Variants in PKIB observed in about 807,000 individuals in gnomAD.
The protein encoded by PKIB is cAMP-dependent protein kinase inhibitor beta, also known as PKI-beta.
Under a neutral mutation model 4.5 loss-of-function variants are expected in PKIB, and 2 were observed. The ratio of observed to expected loss-of-function variants is 0.44; its 90% CI spans 0.18 to 1.39. The LOEUF (loss-of-function observed/expected upper bound fraction) is 1.39. Among genes scored for constraint, PKIB ranks in the 40% most tolerant of loss-of-function variants. The probability of loss-of-function intolerance (pLI) is 0.27; values close to 1 mark genes in which losing one functional copy is unlikely to be tolerated. For missense variants in PKIB, 94 were observed against 92.6 expected, an observed-to-expected ratio of 1.02 and a Z score of -0.06; for synonymous variants, 38 against 36.0, an observed-to-expected ratio of 1.06 and a Z score of -0.20.
chr6:122,601,657 C>T (rs1774371736), intron 3 of PKIB, among the ~76,000 whole-genome samples: 1 of 152,092 alleles, frequency 6.6e-6, no homozygotes, highest in African/African-American at 2.4e-5. Flanking sequence ...GGATGAAGAC[C>T]TTTATAATGA....
chr6:122,660,475 C>G (rs1248134542), intron 2 of PKIB, among the ~76,000 whole-genome samples: 1 of 152,150 alleles, frequency 6.6e-6, no homozygotes, highest in Non-Finnish European at 1.5e-5. Flanking sequence ...TGTTCTCTTA[C>G]AGACTAAACC....
chr6:122,547,891 C>T (rs1772551999), intron 2 of PKIB, among the ~76,000 whole-genome samples: 1 of 51,762 alleles, frequency 1.9e-5, no homozygotes, highest in Admixed American at 2.9e-4. Context: ...GTGCTCCAAA[C>T]TCACCGAAGT....
chr6:122,697,572 G>C (rs979259748), intron 3 of PKIB, among the ~76,000 whole-genome samples: 2 of 152,078 alleles, frequency 1.3e-5, no homozygotes, highest in Middle Eastern at 3.2e-3. Flanking sequence ...TTGATGTAGA[G>C]AGTGGATGCT....
intron 2 of PKIB, among the ~76,000 whole-genome samples, chr6:122,553,391 G>C (rs1310920672): frequency 1.3e-5 from 2 of 151,102 alleles, no homozygotes; most frequent in Non-Finnish European, 2.9e-5. Flanking sequence ...TTGATATCCT[G>C]GCCCTTAAAT....
At chr6:122,650,282 C>T (rs753142889) in intron 2 of PKIB, among the ~76,000 whole-genome samples, 3 of 152,088 alleles carry the variant, frequency 2.0e-5, no homozygotes, top group Non-Finnish European at 4.4e-5. Flanking sequence ...GGAATCATCA[C>T]CCCTGCATCC....
At chr6:122,716,248 G>C (rs937624517) in intron 3 of PKIB, among the ~76,000 whole-genome samples, 3 of 152,164 alleles carry the variant, frequency 2.0e-5, no homozygotes, top group African/African-American at 7.2e-5. Flanking sequence ...CCAGCATCCT[G>C]TGAATCCATA....
At chr6:122,548,104 C>A (rs1582691447) in intron 2 of PKIB, among the ~76,000 whole-genome samples, 1 of 152,298 alleles carries the variant, frequency 6.6e-6, no homozygotes, top group Non-Finnish European at 1.5e-5. Flanking sequence ...CGGTTTGGCA[C>A]ACAGGCCTTA....
chr6:122,571,880 C>A (rs1364532556), intron 2 of PKIB, among the ~76,000 whole-genome samples: 4 of 152,100 alleles, frequency 2.6e-5, no homozygotes, highest in Non-Finnish European at 5.9e-5. Flanking sequence ...AACAGTACTT[C>A]ACATCTTAAT....
At chr6:122,623,974 A>G (rs1209340264) in intron 1 of PKIB, among the ~76,000 whole-genome samples, 1 of 152,180 alleles carries the variant, frequency 6.6e-6, no homozygotes, top group Non-Finnish European at 1.5e-5. Flanking sequence ...ACAAGAATTC[A>G]GTATGTCATT....
intron 2 of PKIB, chr6:122,483,534 A>T (rs968036507): frequency 2.9e-4 from 44 of 151,852 alleles, no homozygotes; most frequent in African/African-American, 1.0e-3. Flanking sequence ...GGAAAAAAAC[A>T]CAAAAGTTTA....
intron 2 of PKIB, among the ~76,000 whole-genome samples, chr6:122,658,015 A>C (rs1776842524): frequency 1.3e-5 from 2 of 152,232 alleles, no homozygotes; most frequent in South Asian, 4.1e-4. Context: ...CATGTTGATT[A>C]AGATATACAC....
chr6:122,542,975 C>T (rs935622289), intron 2 of PKIB, among the ~76,000 whole-genome samples: 3 of 152,112 alleles, frequency 2.0e-5, no homozygotes, highest in South Asian at 4.1e-4. Context: ...GACTGCTGTG[C>T]TAGCAATCAG....
In PKIB at chr6:122,492,346, A is replaced by G. The variant is rs1775961456; in HGVS notation, c.-248+14407A>G. Reference sequence around the variant, plus strand: ...GCAAGTAGAATTCAGGTTATAGGGAAGTCATGAGCTTCTTAGGGAACGTGT... The same window carrying G: ...GCAAGTAGAATTCAGGTTATAGGGAGGTCATGAGCTTCTTAGGGAACGTGT... On this transcript the variant is annotated intron_variant, in intron 2 of 6. Coordinates refer to the PKIB transcript ENST00000392491. 2.6e-5 allele frequency among the ~76,000 whole-genome samples: 4 copies of G among 152,254 alleles called. 1 individual carries two copies. In the South Asian group the frequency reaches 8.3e-4, roughly 32 times the overall value.
At chr6:122,614,903 C>A (rs1393590561) in intron 1 of PKIB, among the ~76,000 whole-genome samples, 1 of 152,024 alleles carries the variant, frequency 6.6e-6, no homozygotes, top group Admixed American at 6.6e-5. Flanking sequence ...AATACCTCTA[C>A]CATGGAGCTT....
intron 2 of PKIB, among the ~76,000 whole-genome samples, chr6:122,670,151 C>T (rs547431281): frequency 1.6e-4 from 25 of 152,166 alleles, no homozygotes; most frequent in African/African-American, 5.8e-4. Flanking sequence ...ACATTCCCTT[C>T]TCTTTCAGTA....
chr6:122,556,237 C>T (rs946656856), intron 2 of PKIB, among the ~76,000 whole-genome samples: 3 of 152,270 alleles, frequency 2.0e-5, no homozygotes, highest in African/African-American at 7.2e-5. Context: ...CTTCCCCTTC[C>T]ACCATAATTG....
intron 1 of PKIB, among the ~76,000 whole-genome samples, chr6:122,630,063 G>A (rs1172284690): frequency 2.0e-5 from 3 of 152,072 alleles, no homozygotes; most frequent in African/African-American, 7.2e-5. Context: ...GTATGGAACA[G>A]TATAAGAACT....
chr6:122,545,771 G>A (rs1164872110), intron 2 of PKIB, among the ~76,000 whole-genome samples: 2 of 150,832 alleles, frequency 1.3e-5, no homozygotes, highest in East Asian at 2.0e-4. Context: ...ACCTGCACCT[G>A]TATCCCTTGA....
intron 2 of PKIB, among the ~76,000 whole-genome samples, chr6:122,666,941 G>T (rs1018227693): frequency 6.8e-6 from 1 of 147,902 alleles, no homozygotes; most frequent in African/African-American, 2.5e-5. Context: ...GGCATCCAAT[G>T]GTACTAATAT....
Sources: allele counts gnomAD v4.1 joint callset (sites outside exome capture counted in the v4.1 genomes callset), GRCh38; gene constraint gnomAD v4.1.1; transcripts MANE v1.5; gene names NCBI Gene and HGNC (gene_info 2026-07-23, HGNC 2026-07-21).